The following ZMPSTE24 variants were observed in gnomAD, a reference collection of about 807,000 sequenced individuals.
ZMPSTE24 encodes the protein zinc metallopeptidase STE24, also known as CAAX prenyl protease 1 homolog.
ZMPSTE24 carries 48 observed loss-of-function variants against 56.7 expected under a neutral mutation model. The observed-to-expected ratio is 0.85, with a 90% confidence interval of 0.67 to 1.08. The LOEUF is 1.08. Among genes scored for constraint, ZMPSTE24 ranks in the 50% least tolerant of loss-of-function variants. The pLI, the probability that ZMPSTE24 is intolerant of heterozygous loss-of-function variation, is 0.00. For missense variants in ZMPSTE24, 503 were observed against 548.7 expected (o/e 0.92, Z 0.83); for synonymous variants, 172 against 195.2 (o/e 0.88, Z 0.99).
intron 6 of ZMPSTE24, among the ~76,000 whole-genome samples, chr1:40,272,727 GTTGTAAGGTTCTATGACT>G (rs1354653179): frequency 6.6e-6 from 1 of 152,166 alleles, no homozygotes; most frequent in African/African-American, 2.4e-5. Context: ...GAGAGAAACT[GTTGTAAGGTTCTATGACT>G]TTCAGAATTT....
At position 40,258,301 on chromosome 1, in the gene ZMPSTE24, G is replaced by T. The variant is rs1057515519; in HGVS notation, c.30G>T (p.Leu10Phe). The T allele has an allele frequency of 2.5e-6, 4 of 1,614,160 alleles. No individual in the cohort carries two copies. The highest frequency in any genetic ancestry group is 2.5e-6 in the Non-Finnish European group (3 of 1,180,050). MGMWASLDA[L>F]WEMPAEKRIF... ...GGATGTGGGCATCGCTGGACGCTTT[G>T]TGGGAGATGCCGGCCGAGAAGCGTA... The change falls in exon 1 of 10, where the codon TTG becomes TTT. Residue 10 changes from leucine (L) to phenylalanine (F), a missense_variant. By Grantham distance (22) the Leu-to-Phe change is conservative. Coordinates refer to ENST00000372759, the MANE Select transcript of ZMPSTE24 (RefSeq NM_005857.5).
intron 1 of ZMPSTE24, among the ~76,000 whole-genome samples, chr1:40,259,810 G>A (rs1221737536): frequency 2.0e-5 from 3 of 151,874 alleles, no homozygotes; most frequent in African/African-American, 7.3e-5. Context: ...TGTTGCCCGG[G>A]GTGGTCTGGA....
chr1:40,270,302 A>G (rs1643600960), intron 5 of ZMPSTE24, among the ~76,000 whole-genome samples, 175 bp downstream of exon 5: 1 of 152,186 alleles, frequency 6.6e-6, no homozygotes, highest in Non-Finnish European at 1.5e-5. Flanking sequence ...TTGACTGACC[A>G]TAAATTTCCT....
At chr1:40,266,551 G>A (rs556661107) in intron 2 of ZMPSTE24, among the ~76,000 whole-genome samples, 8 of 152,140 alleles carry the variant, frequency 5.3e-5, no homozygotes, top group African/African-American at 1.7e-4. Context: ...TGTGAAAGCC[G>A]GGCCCCTACC....
intron 6 of ZMPSTE24, among the ~76,000 whole-genome samples, chr1:40,276,134 G>C (rs180768656): frequency 2.8e-4 from 43 of 152,250 alleles, no homozygotes; most frequent in Admixed American, 2.0e-3. Flanking sequence ...CCTAAACTCT[G>C]AAAGGAGATT....
In ZMPSTE24 at chr1:40,261,309, T is replaced by C. The variant is rs1412466401; in HGVS notation, c.270+324T>C. 3.9e-5 allele frequency among the ~76,000 whole-genome samples: 6 copies of C among 152,336 alleles called. 1 individual carries two copies. The South Asian group carries it at 1.2e-3, about 32-fold the overall frequency. ...TGGATAGGGTAGCATTCTATCATTA[T>C]TCCTGTCAGAGTACTTATCTCATTA... is the stretch of plus-strand genomic sequence containing the variant. On this transcript the variant is annotated intron_variant, in intron 2 of 9. Coordinates refer to ENST00000372759, the MANE Select transcript of ZMPSTE24 (RefSeq NM_005857.5).
chr1:40,268,347 C>T lies in ZMPSTE24; in HGVS notation c.358-72C>T. On this transcript the variant is annotated intron_variant, in intron 3 of 9. Transcript: ENST00000372759. Reference sequence around the variant, plus strand: ...TTGCTTGGGATGTAGTAAGTAAGTGCTCAGCAAATACTTGTTGATTTGTTT... The same window carrying T: ...TTGCTTGGGATGTAGTAAGTAAGTGTTCAGCAAATACTTGTTGATTTGTTT... 5 of 994,760 alleles carry T rather than the reference C, an allele frequency of 5.0e-6. No homozygotes were observed. In the South Asian group the frequency reaches 6.4e-5, roughly 13 times the overall value. The allele number at this position is 994,760 out of a possible 1,614,324, so 61.6% of individuals were successfully genotyped here. A position where few individuals can be genotyped will look rare whatever the true frequency, so the allele number is the denominator to read the frequency against.
chr1:40,258,511 T>C, intron 1 of ZMPSTE24, 117 bp downstream of exon 1: 1 of 1,563,846 alleles, frequency 6.4e-7, no homozygotes, highest in Non-Finnish European at 8.7e-7. Flanking sequence ...GTCTTTGTGG[T>C]CCCTGCTGAG....
intron 1 of ZMPSTE24, 69 bp from the exon 2 acceptor site, chr1:40,260,769 AT>A: frequency 6.6e-7 from 1 of 1,521,218 alleles, no homozygotes; most frequent in Non-Finnish European, 9.1e-7. Context: ...AAACCATTCG[AT>A]GTTTGATCAT....
chr1:40,269,473 T>A (rs994823073), intron 4 of ZMPSTE24, among the ~76,000 whole-genome samples: 3 of 152,210 alleles, frequency 2.0e-5, no homozygotes, highest in African/African-American at 7.2e-5. Context: ...ATCATTTGTT[T>A]GTTTGCGACA....
In ZMPSTE24 at chr1:40,293,545, A is replaced by G. The variant is rs1168174799; in HGVS notation, c.*876A>G. 6.6e-6 allele frequency: 1 copy of G among 152,210 alleles called. No homozygotes were observed. Among genetic ancestry groups the G allele is most frequent in the Non-Finnish European group, 1.5e-5 (1 of 68,040 alleles). The allele number at this position is 152,210 out of a possible 1,614,324, so 9.4% of individuals were successfully genotyped here. On this transcript the variant is annotated 3_prime_UTR_variant, in exon 10 of 10. Transcript: ENST00000372759. ...ACAGGAAAGACGAATTAAAAATAACATTTTTTAAGCGACATAAGGATGAAA... is the reference window on the plus strand; with the variant it reads ...ACAGGAAAGACGAATTAAAAATAACGTTTTTTAAGCGACATAAGGATGAAA...
chr1:40,289,214 A>T (rs979500726), intron 8 of ZMPSTE24, among the ~76,000 whole-genome samples: 1 of 151,708 alleles, frequency 6.6e-6, no homozygotes, highest in Non-Finnish European at 1.5e-5. Context: ...CTTCATTTCC[A>T]CTCTTATATC....
intron 6 of ZMPSTE24, among the ~76,000 whole-genome samples, chr1:40,273,153 A>G (rs1227516259): frequency 6.6e-6 from 1 of 152,202 alleles, no homozygotes; most frequent in Non-Finnish European, 1.5e-5. Flanking sequence ...AAACAATCAC[A>G]GGGTTAGAGG....
At chr1:40,260,638 G>A (rs934819162) in intron 1 of ZMPSTE24, among the ~76,000 whole-genome samples, 1 of 152,192 alleles carries the variant, frequency 6.6e-6, no homozygotes, top group African/African-American at 2.4e-5. Flanking sequence ...TTACCAGTCA[G>A]GTCACCTCAG....
chr1:40,290,724 A>C (rs895951775), intron 8 of ZMPSTE24, 130 bp from the exon 9 acceptor site: 91 of 1,059,096 alleles, frequency 8.6e-5, no homozygotes, highest in Non-Finnish European at 1.1e-4. Context: ...GGCCTCCCAA[A>C]GTGCTGGGAT....
intron 6 of ZMPSTE24, among the ~76,000 whole-genome samples, chr1:40,280,423 T>G (rs916735675): frequency 2.0e-5 from 3 of 152,186 alleles, no homozygotes; most frequent in Admixed American, 6.5e-5. Flanking sequence ...GAATTTGCTT[T>G]TTTTTTTTTC....
At chr1:40,263,848 A>G (rs1643522418) in intron 2 of ZMPSTE24, among the ~76,000 whole-genome samples, 1 of 150,358 alleles carries the variant, frequency 6.7e-6, no homozygotes, top group Non-Finnish European at 1.5e-5. Flanking sequence ...ACCCAGACAG[A>G]AAATTCCAGC....
In ZMPSTE24 at chr1:40,281,417, A is replaced by G; in HGVS notation, c.844A>G (p.Thr282Ala). The G allele has an allele frequency of 6.2e-7, 1 of 1,614,090 alleles. No individual in the cohort carries two copies. Among genetic ancestry groups the G allele is most frequent in the Admixed American group, 1.7e-5 (1 of 60,008 alleles). ...GAACAAGCGAATAGTTTTGTTTGAC[A>G]CTCTACTAGAAGAGTACTCTGTACT... ...FKNKRIVLFD[T>A]LLEEYSVLNK... Residue 282 changes from threonine to alanine, a missense_variant, in exon 7 of 10, where the codon ACT (threonine) becomes GCT (alanine). Thr to Ala is a moderately conservative substitution (Grantham distance 58, BLOSUM62 0). Coordinates refer to ENST00000372759, the MANE Select transcript of ZMPSTE24 (RefSeq NM_005857.5).
At chr1:40,280,510 C>T (rs940471255) in intron 6 of ZMPSTE24, among the ~76,000 whole-genome samples, 7 of 151,944 alleles carry the variant, frequency 4.6e-5, no homozygotes, top group Non-Finnish European at 7.4e-5. Flanking sequence ...CTGCAACCTC[C>T]GTCTCCTGGG....
Sources: allele counts gnomAD v4.1 joint callset (sites outside exome capture counted in the v4.1 genomes callset), GRCh38; gene constraint gnomAD v4.1.1; transcripts MANE v1.5; gene names NCBI Gene and HGNC (gene_info 2026-07-23, HGNC 2026-07-21).